The following PDZD2 variants were observed in gnomAD, a reference collection of about 807,000 sequenced individuals.
PDZD2 encodes PDZ domain containing 2.
In PDZD2, 90 loss-of-function variants were observed where a neutral mutation model predicts 220.7. The observed-to-expected ratio is 0.41, with a 90% CI of 0.34 to 0.49. PDZD2 has a LOEUF of 0.49. Among genes scored for constraint, PDZD2 ranks in the 20% least tolerant of loss-of-function variants. PDZD2 has a pLI of 0.28. For missense variants in PDZD2, 3,174 were observed against 3,608.5 expected, an observed-to-expected ratio of 0.88 and a Z score of 3.08; for synonymous variants, 1,375 against 1,450.5, an observed-to-expected ratio of 0.95 and a Z score of 1.18.
intron 2 of PDZD2, among the ~76,000 whole-genome samples, chr5:31,880,608 T>C (rs914136922): frequency 6.6e-6 from 1 of 152,116 alleles, no homozygotes; most frequent in African/African-American, 2.4e-5. Flanking sequence ...CATAGCTCTG[T>C]ACTAAATACC....
At chr5:31,788,558 G>A (rs183102914) in intron 1 of PDZD2, among the ~76,000 whole-genome samples, 2,892 of 151,818 alleles carry the variant, frequency 0.019, 81 homozygotes, top group African/African-American at 0.066. Context: ...CCAGCTGCTC[G>A]GGGAAGCTGA....
intron 2 of PDZD2, among the ~76,000 whole-genome samples, chr5:31,858,085 C>T (rs2150308500): frequency 6.6e-6 from 1 of 152,268 alleles, no homozygotes; most frequent in South Asian, 2.1e-4. Context: ...CTTGGCCTCC[C>T]ACAGTGCTAG....
At chr5:32,081,920 C>T (rs1741993002) in intron 19 of PDZD2, among the ~76,000 whole-genome samples, 1 of 151,914 alleles carries the variant, frequency 6.6e-6, no homozygotes, top group African/African-American at 2.4e-5. Flanking sequence ...GATGGGGTTT[C>T]ACCGTGTTAG....
At chr5:31,965,262 G>A (rs1748627255) in intron 2 of PDZD2, among the ~76,000 whole-genome samples, 1 of 152,192 alleles carries the variant, frequency 6.6e-6, no homozygotes, top group South Asian at 2.1e-4. Flanking sequence ...CCCCAAGTGG[G>A]GTGGAAACCA....
At chr5:32,035,769 C>G (rs1410017778) in intron 6 of PDZD2, among the ~76,000 whole-genome samples, 2 of 152,168 alleles carry the variant, frequency 1.3e-5, no homozygotes, top group Non-Finnish European at 2.9e-5. Context: ...TGAATACATA[C>G]AAAAAGCACT....
intron 2 of PDZD2, among the ~76,000 whole-genome samples, chr5:31,851,819 AG>A (rs1409874704): frequency 1.3e-5 from 2 of 152,146 alleles, no homozygotes; most frequent in African/African-American, 4.8e-5. Context: ...TGGATGCAAA[AG>A]CTTTCCTGAA....
chr5:31,686,893 A>C (rs554439371), intron 1 of PDZD2, among the ~76,000 whole-genome samples: 2 of 152,218 alleles, frequency 1.3e-5, no homozygotes, highest in East Asian at 3.9e-4. Context: ...TAGGCTTTTC[A>C]TACCTCTTTG....
intron 1 of PDZD2, among the ~76,000 whole-genome samples, chr5:31,661,062 C>G (rs963118252): frequency 2.0e-5 from 3 of 152,098 alleles, no homozygotes; most frequent in Admixed American, 1.3e-4. Flanking sequence ...TATCCAAGTG[C>G]AATTTTCTTC....
intron 1 of PDZD2, among the ~76,000 whole-genome samples, chr5:31,790,837 T>C (rs1257084719): frequency 6.6e-6 from 1 of 151,694 alleles, no homozygotes; most frequent in Non-Finnish European, 1.5e-5. Context: ...TAGCTGGGAT[T>C]ACAGGCACCC....
At chr5:31,787,120 G>A (rs1753425470) in intron 1 of PDZD2, among the ~76,000 whole-genome samples, 1 of 152,196 alleles carries the variant, frequency 6.6e-6, no homozygotes, top group African/African-American at 2.4e-5. Flanking sequence ...TGATCAGAAG[G>A]TAATGGGCAG....
At chr5:31,769,015 G>A (rs1041876450) in intron 1 of PDZD2, among the ~76,000 whole-genome samples, 8 of 152,226 alleles carry the variant, frequency 5.3e-5, no homozygotes, top group Non-Finnish European at 8.8e-5. Flanking sequence ...GAATGAATGA[G>A]TGAATGAACT....
In PDZD2 at chr5:32,054,250, T is replaced by G. The variant is rs148652011; in HGVS notation, c.1900+367T>G. ...TGGAAGCAGAGCGCCTGGTCATTAG[T>G]GGATATTTAATATCTTGCTACAGAA... On this transcript the variant is annotated intron_variant, in intron 10 of 24. Transcript: ENST00000438447. 6.5e-3 allele frequency among the ~76,000 whole-genome samples: 973 copies of G among 150,534 alleles called. 7 individuals are homozygous for G. Among genetic ancestry groups the G allele is most frequent in the Non-Finnish European group, 0.011 (751 of 67,774 alleles).
At chr5:31,736,859 C>A (rs977148012) in intron 1 of PDZD2, among the ~76,000 whole-genome samples, 12 of 152,226 alleles carry the variant, frequency 7.9e-5, no homozygotes, top group African/African-American at 2.6e-4. Context: ...CACACAGGAT[C>A]TGAGATCTGG....
intron 1 of PDZD2, among the ~76,000 whole-genome samples, chr5:31,720,775 C>T (rs1330729368): frequency 1.3e-5 from 2 of 152,172 alleles, no homozygotes; most frequent in Admixed American, 6.6e-5. Flanking sequence ...GCAGGACCCT[C>T]TCTGGAAGGG....
intron 8 of PDZD2, 136 bp from the exon 9 acceptor site, chr5:32,052,475 T>TAA: frequency 1.2e-6 from 1 of 833,496 alleles, no homozygotes; most frequent in African/African-American, 1.7e-5. Context: ...GAAACTTTTT[T>TAA]AAGTCACTGA....
chr5:32,088,166 C>T lies in PDZD2; in HGVS notation c.4718C>T (p.Ala1573Val). The T allele has an allele frequency of 2.5e-6, 4 of 1,614,058 alleles. No homozygotes were observed. The highest frequency in any genetic ancestry group is 3.4e-6 in the Non-Finnish European group (4 of 1,179,918). The change falls in exon 20 of 25, where the codon GCC (alanine) becomes GTC (valine). Residue 1573 changes from alanine (A) to valine (V), a missense_variant. By Grantham distance (64) the Ala-to-Val change is moderately conservative (BLOSUM62 0). Coordinates refer to ENST00000438447, the MANE Select transcript of PDZD2 (RefSeq NM_178140.4). The surrounding 1 kb of genome is among the most constrained non-coding windows in gnomAD (Gnocchi z 4.6). ...CTCACTGAAGCCCCACGAGCTTCTG[C>T]CAGGGACGGCTGGTCCCCTCCTCGT... ...ESLTEAPRASARDGWSPPRSR... is the reference protein window; with the variant it reads ...ESLTEAPRASVRDGWSPPRSR...
intron 5 of PDZD2, among the ~76,000 whole-genome samples, chr5:32,005,442 T>G (rs183434537): frequency 6.9e-6 from 1 of 144,418 alleles, no homozygotes; most frequent in African/African-American, 2.6e-5. Context: ...TCAGTACAGA[T>G]CTCTTGCTCG....
chr5:32,061,497 A>C (rs1739688899), intron 14 of PDZD2, among the ~76,000 whole-genome samples: 1 of 152,198 alleles, frequency 6.6e-6, no homozygotes, highest in African/African-American at 2.4e-5. Flanking sequence ...TCAAGATAAG[A>C]AGGCTTTTCT....
chr5:31,861,097 C>T (rs1391664912), intron 2 of PDZD2, among the ~76,000 whole-genome samples: 3 of 152,148 alleles, frequency 2.0e-5, no homozygotes, highest in Non-Finnish European at 2.9e-5. Context: ...AAGAAAAAGA[C>T]GCAAAATAGA....
Sources: gnomAD v4.1 joint callset for allele counts (sites outside exome capture counted in the v4.1 genomes callset) on GRCh38, gnomAD v4.1.1 for gene constraint, Gnocchi (gnomAD v3.1) non-coding constraint, MANE v1.5 for transcripts, NCBI Gene and HGNC (gene_info 2026-07-23, HGNC 2026-07-21) for gene names.